Variants in VPS37A observed in about 807,000 individuals in gnomAD.
The protein encoded by VPS37A is VPS37A subunit of ESCRT-I, also known as vacuolar protein sorting-associated protein 37A.
In VPS37A, 30 loss-of-function variants were observed where a neutral mutation model predicts 49.8. The ratio of observed to expected loss-of-function variants is 0.60; its 90% CI spans 0.45 to 0.82. The LOEUF is 0.82. Ranked by LOEUF, VPS37A falls within the 40% of genes least tolerant of loss-of-function variation. VPS37A has a pLI of 0.00. For missense variants in VPS37A, 593 were observed against 464.4 expected (o/e 1.28, Z -2.55); for synonymous variants, 195 against 160.6 (o/e 1.21, Z -1.62).
Position 17,268,713 on chromosome 8 carries a change from A to G in VPS37A, c.316-143A>G, listed in dbSNP as rs55855877. The stretch of plus-strand genomic sequence containing the variant: ...GGTATCGATTCTATAAGAAAATGCT[A>G]TAACTTGTTAATTGCTAATATCCTT... On this transcript the variant is annotated intron_variant, in intron 3 of 11. Coordinates refer to ENST00000324849, the MANE Select transcript of VPS37A (RefSeq NM_152415.3). 49,797 of 647,324 alleles carry G rather than the reference A, an allele frequency of 0.077. 2,415 individuals are homozygous for G. The highest frequency in any genetic ancestry group is 0.099 in the Non-Finnish European group (37,457 of 378,792). 40.1% of individuals were successfully genotyped at this position (647,324 alleles called of 1,614,324 possible).
chr8:17,330,011 T>C, the VPS37A span, among the ~76,000 whole-genome samples: 1 of 152,184 alleles, frequency 6.6e-6, no homozygotes, highest in African/African-American at 2.4e-5. Context: ...TAGAAAGTAT[T>C]GGCCTAATCC....
chr8:17,256,392 T>C (rs1812463260), intron 1 of VPS37A, among the ~76,000 whole-genome samples: 1 of 149,740 alleles, frequency 6.7e-6, no homozygotes, highest in Non-Finnish European at 1.5e-5. Context: ...ACTTCAGTCT[T>C]GCACGTAACT....
rs191977948 is a variant in VPS37A at position 17,294,493 on chromosome 8, G to A, written c.*1-494G>A. On this transcript the variant is annotated intron_variant, in intron 11 of 11. Transcript: ENST00000324849. Reference sequence around the variant, plus strand: ...GTCTCGCTGGCATTCCAGGCAGTACGAAAAAAAATTCCTGCAGCTAGCTCG... The same window carrying A: ...GTCTCGCTGGCATTCCAGGCAGTACAAAAAAAAATTCCTGCAGCTAGCTCG... Among the ~76,000 whole-genome samples the A allele has an allele frequency of 5.9e-3, 903 of 151,950 alleles. 9 individuals are homozygous for A. Among genetic ancestry groups the A allele is most frequent in the Middle Eastern group, 0.01 (3 of 294 alleles).
chr8:17,282,306 AT>A (rs1815137878), intron 9 of VPS37A, among the ~76,000 whole-genome samples: 1 of 152,152 alleles, frequency 6.6e-6, no homozygotes, highest in Non-Finnish European at 1.5e-5. Context: ...TTTAGTATCC[AT>A]TTAGAAAAAG....
intron 2 of VPS37A, 51 bp from the exon 3 acceptor site, chr8:17,268,207 T>A: frequency 7.7e-7 from 1 of 1,301,182 alleles, no homozygotes; most frequent in Non-Finnish European, 1.1e-6. Context: ...GACCATATAA[T>A]GTACCTTTGT....
chr8:17,302,120 C>A, downstream of VPS37A: 2 of 1,613,520 alleles, frequency 1.2e-6, no homozygotes, highest in Non-Finnish European at 1.7e-6. Context: ...GAAATAAGCA[C>A]AGAAAATAGA....
At chr8:17,322,085 A>G in the VPS37A span, among the ~76,000 whole-genome samples, 3 of 151,962 alleles carry the variant, frequency 2.0e-5, no homozygotes, top group South Asian at 4.2e-4. Context: ...AAGTTGAAAC[A>G]TATACAGCCC....
At chr8:17,281,409 A>G (rs1249614314) in intron 9 of VPS37A, among the ~76,000 whole-genome samples, 1 of 152,066 alleles carries the variant, frequency 6.6e-6, no homozygotes, top group Non-Finnish European at 1.5e-5. Flanking sequence ...ACTGTTAGAT[A>G]TATACTGGAC....
At chr8:17,247,650 C>T in intron 1 of VPS37A, 2 of 704,264 alleles carry the variant, frequency 2.8e-6, no homozygotes, top group African/African-American at 1.7e-5. Flanking sequence ...CAATCTCTCT[C>T]ATAGTCTATT....
Position 17,297,938 on chromosome 8 carries a change from A to G in VPS37A, c.*2952A>G, listed in dbSNP as rs1816827246. 6.6e-6 allele frequency: 1 copy of G among 152,102 alleles called. No homozygotes were observed. Among genetic ancestry groups the G allele is most frequent in the African/African-American group, 2.4e-5 (1 of 41,458 alleles). The allele number at this position is 152,102 out of a possible 1,614,324, so 9.4% of individuals were successfully genotyped here. A position where few individuals can be genotyped will look rare whatever the true frequency, so the allele number is the denominator to read the frequency against. On this transcript the variant is annotated 3_prime_UTR_variant, in exon 12 of 12. Coordinates refer to ENST00000324849, the MANE Select transcript of VPS37A (RefSeq NM_152415.3). ...TAAAAGTTTATGACTCTGATATGGA[A>G]GTTGTCATATTAAAAAACTACATTT...
At chr8:17,323,349 A>T in the VPS37A span, among the ~76,000 whole-genome samples, 82 of 152,202 alleles carry the variant, frequency 5.4e-4, no homozygotes, top group African/African-American at 1.9e-3. Flanking sequence ...CACTTTCCAT[A>T]TTATTTTCAC....
chr8:17,298,080 A>G (rs1381442924), downstream of VPS37A: 3 of 152,056 alleles, frequency 2.0e-5, no homozygotes, highest in Non-Finnish European at 2.9e-5. Context: ...TACACTGTCA[A>G]ACGGAAGAAA....
chr8:17,247,816 G>A, intron 1 of VPS37A: 2 of 700,386 alleles, frequency 2.9e-6, no homozygotes, highest in Non-Finnish European at 2.6e-6. Flanking sequence ...AAAGGAAAGG[G>A]AAGCCAGAGT....
In VPS37A at chr8:17,286,576, A is replaced by G. The variant is rs186309519; in HGVS notation, c.*149A>G. The G allele has an allele frequency of 3.2e-3, 1,797 of 570,306 alleles. 4 individuals carry two copies. Among genetic ancestry groups the G allele is most frequent in the Admixed American group, 5.0e-3 (140 of 28,224 alleles). 35.3% of individuals were successfully genotyped at this position (570,306 alleles called of 1,614,324 possible). A position where few individuals can be genotyped will look rare whatever the true frequency, so the allele number is the denominator to read the frequency against. On this transcript the variant is annotated intron_variant, in intron 11 of 11. Coordinates refer to ENST00000324849, the MANE Select transcript of VPS37A (RefSeq NM_152415.3). ...TGTAACATAGAATGCTTTGTATTATATAATAAGCATAATATAAACATATAA... is the reference window on the plus strand; with the variant it reads ...TGTAACATAGAATGCTTTGTATTATGTAATAAGCATAATATAAACATATAA...
At chr8:17,294,542 G>A (rs1221750045) in intron 11 of VPS37A, among the ~76,000 whole-genome samples, 1 of 152,206 alleles carries the variant, frequency 6.6e-6, no homozygotes, top group Non-Finnish European at 1.5e-5. Context: ...CGGCCACCTA[G>A]TTTTGTGGTT....
chr8:17,306,477 T>G (rs1563317287), downstream of VPS37A, among the ~76,000 whole-genome samples: 1 of 152,188 alleles, frequency 6.6e-6, no homozygotes, highest in Non-Finnish European at 1.5e-5. Context: ...TATTTCCATG[T>G]GACGACAGAT....
the VPS37A span, among the ~76,000 whole-genome samples, chr8:17,323,030 C>T: frequency 6.8e-6 from 1 of 147,310 alleles, no homozygotes; most frequent in Non-Finnish European, 1.5e-5. Context: ...TCACTGTAAC[C>T]TCCACCTCCC....
intron 1 of VPS37A, 52 bp downstream of exon 1, chr8:17,247,421 G>GGGGGGGC: frequency 4.9e-5 from 8 of 163,968 alleles, no homozygotes; most frequent in South Asian, 5.2e-5. Context: ...GGGAGGGCGG[G>GGGGGGGC]CTTGTCCTAA....
intron 1 of VPS37A, 132 bp from the exon 2 acceptor site, chr8:17,265,775 A>G (rs1187575656): frequency 1.3e-6 from 2 of 1,545,262 alleles, no homozygotes; most frequent in South Asian, 1.2e-5. Context: ...CTCAAGATAC[A>G]AGTTATGCTG....
Sources: allele counts gnomAD v4.1 joint callset (sites outside exome capture counted in the v4.1 genomes callset), GRCh38; gene constraint gnomAD v4.1.1; transcripts MANE v1.5; gene names NCBI Gene and HGNC (gene_info 2026-07-23, HGNC 2026-07-21).